The following STXBP5L variants were observed in gnomAD, a reference collection of about 807,000 sequenced individuals.
STXBP5L encodes the protein syntaxin-binding protein 5-like.
STXBP5L carries 65 observed loss-of-function variants against 144.5 expected under a neutral mutation model. The observed-to-expected ratio is 0.45, with a 90% CI of 0.37 to 0.55. The LOEUF is 0.55. STXBP5L is among the 20% of genes least tolerant of loss of function. The pLI, the probability that STXBP5L is intolerant of heterozygous loss-of-function variation, is 0.00. For synonymous variants in STXBP5L, 505 were observed against 469.6 expected, an observed-to-expected ratio of 1.08 and a Z score of -0.97; for missense variants, 1,298 against 1,405.5, an observed-to-expected ratio of 0.92 and a Z score of 1.22.
chr3:121,102,679 G>A (rs1273814561), intron 5 of STXBP5L, among the ~76,000 whole-genome samples: 3 of 152,032 alleles, frequency 2.0e-5, no homozygotes, highest in Non-Finnish European at 2.9e-5. Flanking sequence ...AGCAATTACA[G>A]CAAAATCAAA....
chr3:120,925,709 C>G (rs989399294), intron 2 of STXBP5L, among the ~76,000 whole-genome samples: 2 of 152,138 alleles, frequency 1.3e-5, no homozygotes, highest in East Asian at 1.9e-4. Context: ...TTTTGTAACT[C>G]TTTTCTTCAT....
In STXBP5L at chr3:121,381,545, A is replaced by G. The variant is rs554915557; in HGVS notation, c.2587+13A>G. Reference sequence around the variant, plus strand: ...GTATTGCCAAGTGGTAAGAGTTTGTATTCATTCATTCCTTCACTGTTACTT... The same window carrying G: ...GTATTGCCAAGTGGTAAGAGTTTGTGTTCATTCATTCCTTCACTGTTACTT... On this transcript the variant is annotated intron_variant, in intron 22 of 26. Transcript: ENST00000471454. 24 of 1,582,004 alleles carry G rather than the reference A, an allele frequency of 1.5e-5. No individual in the cohort carries two copies. The East Asian group carries it at 3.4e-4, about 22-fold the overall frequency.
At chr3:121,037,530 T>G (rs1050813488) in intron 3 of STXBP5L, among the ~76,000 whole-genome samples, 2 of 152,060 alleles carry the variant, frequency 1.3e-5, no homozygotes, top group East Asian at 3.9e-4. Flanking sequence ...CACTATAGTC[T>G]TTTTATATGT....
intron 9 of STXBP5L, among the ~76,000 whole-genome samples, chr3:121,183,233 A>T (rs886814069): frequency 1.3e-5 from 2 of 152,216 alleles, no homozygotes; most frequent in Admixed American, 6.5e-5. Context: ...AAACTAGAAC[A>T]ATACAAGGAT....
chr3:121,082,937 G>A (rs538128411), intron 5 of STXBP5L, among the ~76,000 whole-genome samples: 1 of 152,170 alleles, frequency 6.6e-6, no homozygotes, highest in Non-Finnish European at 1.5e-5. Flanking sequence ...GGTGGCTCAT[G>A]CCTGTAATCC....
At position 121,119,872 on chromosome 3, in the gene STXBP5L, C is replaced by T. The variant is rs111339542; in HGVS notation, c.606-1769C>T. On this transcript the variant is annotated intron_variant, in intron 6 of 26. Transcript: ENST00000471454. ...CTTCTAGAGTCTGAAAAAGCAACTA[C>T]AAATAACGGAAGTTTAATGTTAGAT... is the stretch of plus-strand genomic sequence containing the variant. 2.5e-3 allele frequency among the ~76,000 whole-genome samples: 380 copies of T among 151,330 alleles called. 2 individuals are homozygous for T. Among genetic ancestry groups the T allele is most frequent in the African/African-American group, 8.6e-3 (357 of 41,464 alleles).
At chr3:121,313,381 C>T (rs1329144119) in intron 19 of STXBP5L, among the ~76,000 whole-genome samples, 2 of 126,164 alleles carry the variant, frequency 1.6e-5, no homozygotes, top group African/African-American at 3.1e-5. Flanking sequence ...GGCGGCTGGC[C>T]GGGCGGGGGG....
chr3:121,245,101 C>T (rs1020231542), intron 14 of STXBP5L, among the ~76,000 whole-genome samples: 1 of 151,852 alleles, frequency 6.6e-6, no homozygotes, highest in South Asian at 2.1e-4. Flanking sequence ...ACAATAACAA[C>T]ATAAAAATTA....
chr3:121,255,632 G>A (rs2050181237), intron 16 of STXBP5L, among the ~76,000 whole-genome samples: 1 of 151,834 alleles, frequency 6.6e-6, no homozygotes, highest in South Asian at 2.1e-4. Context: ...AAGTTTATCT[G>A]ATTTGTATTT....
At chr3:120,980,631 T>C (rs1183588134) in intron 3 of STXBP5L, among the ~76,000 whole-genome samples, 1 of 152,146 alleles carries the variant, frequency 6.6e-6, no homozygotes, top group Non-Finnish European at 1.5e-5. Flanking sequence ...GAAGCTATCA[T>C]TGGATCTTCT....
chr3:121,253,711 C>G (rs977424968), intron 15 of STXBP5L, among the ~76,000 whole-genome samples: 6 of 150,254 alleles, frequency 4.0e-5, no homozygotes, highest in Non-Finnish European at 8.9e-5. Flanking sequence ...TCACTGCAAG[C>G]TCCGCCCCCT....
chr3:121,205,592 C>T (rs2048305208), intron 9 of STXBP5L, among the ~76,000 whole-genome samples: 1 of 152,080 alleles, frequency 6.6e-6, no homozygotes, highest in South Asian at 2.1e-4. Context: ...GTGTGGTCTT[C>T]AATTCTAAAC....
At chr3:121,321,436 A>G (rs2043966593) in intron 20 of STXBP5L, among the ~76,000 whole-genome samples, 2 of 152,220 alleles carry the variant, frequency 1.3e-5, no homozygotes, top group Admixed American at 1.3e-4. Flanking sequence ...GGGTCATTTA[A>G]AGGACAGTGT....
At position 121,054,322 on chromosome 3, in the gene STXBP5L, C is replaced by T. The variant is rs1948279763; in HGVS notation, c.470+8787C>T. Among the ~76,000 whole-genome samples the T allele has an allele frequency of 3.9e-5, 6 of 152,112 alleles. 1 individual carries two copies. The Middle Eastern group carries it at 0.017, about 431-fold the overall frequency. On this transcript the variant is annotated intron_variant, in intron 5 of 26. Coordinates refer to ENST00000471454, the MANE Select transcript of STXBP5L (RefSeq NM_001308330.2). Reference sequence around the variant, plus strand: ...TTTATTGTGGCACTATTCACAATAGCAAAGACTTGGAACCAACCCAAATGT... The same window carrying T: ...TTTATTGTGGCACTATTCACAATAGTAAAGACTTGGAACCAACCCAAATGT...
chr3:121,025,750 G>A (rs1263746045), intron 3 of STXBP5L, among the ~76,000 whole-genome samples: 1 of 151,174 alleles, frequency 6.6e-6, no homozygotes, highest in Non-Finnish European at 1.5e-5. Context: ...CTGGCATTTA[G>A]GAATAAATTG....
chr3:121,311,183 A>C (rs905543530), intron 19 of STXBP5L, among the ~76,000 whole-genome samples: 3 of 152,204 alleles, frequency 2.0e-5, no homozygotes, highest in Non-Finnish European at 4.4e-5. Context: ...TACTACTATG[A>C]CCAGAAGGAC....
chr3:121,032,057 C>T (rs921911908), intron 3 of STXBP5L, among the ~76,000 whole-genome samples: 1 of 151,898 alleles, frequency 6.6e-6, no homozygotes, highest in African/African-American at 2.4e-5. Flanking sequence ...GATACATTTT[C>T]TGAAATTTGG....
At chr3:121,078,074 G>A (rs1255163969) in intron 5 of STXBP5L, among the ~76,000 whole-genome samples, 1 of 151,348 alleles carries the variant, frequency 6.6e-6, no homozygotes, top group Non-Finnish European at 1.5e-5. Flanking sequence ...GTGCCAATTG[G>A]TGTATTTACA....
chr3:121,329,621 G>A (rs984809043), intron 20 of STXBP5L, among the ~76,000 whole-genome samples: 34 of 152,180 alleles, frequency 2.2e-4, no homozygotes, highest in Admixed American at 1.4e-3. Context: ...AGTGCTTTGG[G>A]AGGCTGAGGC....
Sources: gnomAD v4.1 joint callset for allele counts (sites outside exome capture counted in the v4.1 genomes callset) on GRCh38, gnomAD v4.1.1 for gene constraint, MANE v1.5 for transcripts, NCBI Gene and HGNC (gene_info 2026-07-23, HGNC 2026-07-21) for gene names.